The following ME1 variants were observed in gnomAD, a reference collection of about 807,000 sequenced individuals.
The protein encoded by ME1 is NADP-dependent malic enzyme.
Under a neutral mutation model 66.4 loss-of-function variants are expected in ME1, and 74 were observed. That is an observed-to-expected ratio of 1.11 (90% CI 0.92 to 1.35). The LOEUF is 1.35. Among genes scored for constraint, ME1 ranks in the 40% most tolerant of loss-of-function variants. The pLI, the probability that ME1 is intolerant of heterozygous loss-of-function variation, is 0.00. For synonymous variants in ME1, 251 were observed against 235.6 expected, an observed-to-expected ratio of 1.07 and a Z score of -0.60; for missense variants, 750 against 694.1, an observed-to-expected ratio of 1.08 and a Z score of -0.90.
At chr6:83,275,560 G>T (rs1297261089) in intron 6 of ME1, among the ~76,000 whole-genome samples, 3 of 141,822 alleles carry the variant, frequency 2.1e-5, no homozygotes, top group Non-Finnish European at 3.1e-5. Context: ...CCGCCTCCCG[G>T]GTTCATGCCA....
At chr6:83,244,157 C>A (rs1487139333) in intron 7 of ME1, among the ~76,000 whole-genome samples, 1 of 151,658 alleles carries the variant, frequency 6.6e-6, no homozygotes. Flanking sequence ...GTATCAGGAG[C>A]GAGATTGGAA....
chr6:83,316,609 GA>G (rs1317584112), intron 5 of ME1, among the ~76,000 whole-genome samples: 31 of 147,746 alleles, frequency 2.1e-4, no homozygotes, highest in Non-Finnish European at 3.1e-4. Context: ...AATATAGATT[GA>G]AAAAAAAAGA....
chr6:83,415,926 T>A (rs1404171213), intron 1 of ME1, among the ~76,000 whole-genome samples: 1 of 152,196 alleles, frequency 6.6e-6, no homozygotes, highest in Non-Finnish European at 1.5e-5. Flanking sequence ...TAGGCAGCTA[T>A]TCAGTACATT....
At chr6:83,353,272 A>T (rs1768833152) in intron 3 of ME1, among the ~76,000 whole-genome samples, 1 of 152,150 alleles carries the variant, frequency 6.6e-6, no homozygotes, top group Non-Finnish European at 1.5e-5. Context: ...GGCACACCAT[A>T]TTTGGTATTC....
chr6:83,385,818 G>A (rs1251979197), intron 3 of ME1, among the ~76,000 whole-genome samples: 1 of 151,636 alleles, frequency 6.6e-6, no homozygotes, highest in East Asian at 1.9e-4. Flanking sequence ...CTCCTATTTA[G>A]CACAAGTCAT....
chr6:83,399,069 C>A (rs1430412412), intron 2 of ME1, among the ~76,000 whole-genome samples: 1 of 152,150 alleles, frequency 6.6e-6, no homozygotes, highest in Non-Finnish European at 1.5e-5. Context: ...TCTTGGCTCA[C>A]TGCAACCTCT....
At chr6:83,369,819 C>A (rs1239861128) in intron 3 of ME1, among the ~76,000 whole-genome samples, 12 of 151,954 alleles carry the variant, frequency 7.9e-5, no homozygotes, top group Non-Finnish European at 7.4e-5. Flanking sequence ...TGACAGTCAA[C>A]TATATCAAAG....
intron 3 of ME1, among the ~76,000 whole-genome samples, chr6:83,388,788 T>G (rs1353890076): frequency 1.3e-5 from 2 of 152,170 alleles, no homozygotes; most frequent in Admixed American, 1.3e-4. Flanking sequence ...TTGTATTAGC[T>G]CATTCTGTTT....
chr6:83,373,300 A>T (rs927505573), intron 3 of ME1, among the ~76,000 whole-genome samples: 1 of 151,848 alleles, frequency 6.6e-6, no homozygotes, highest in African/African-American at 2.4e-5. Flanking sequence ...CAGTGGTGCG[A>T]TCTCAGCTCA....
At chr6:83,344,372 T>C (rs1486433041) in intron 5 of ME1, among the ~76,000 whole-genome samples, 3 of 152,040 alleles carry the variant, frequency 2.0e-5, no homozygotes, top group Non-Finnish European at 4.4e-5. Context: ...CTCCACAGGA[T>C]TTTTAAGATA....
At chr6:83,291,977 T>C (rs1767512833) in intron 6 of ME1, among the ~76,000 whole-genome samples, 1 of 152,048 alleles carries the variant, frequency 6.6e-6, no homozygotes, top group South Asian at 2.1e-4. Flanking sequence ...CATCAAGTCA[T>C]TTAAGCTCTT....
intron 7 of ME1, among the ~76,000 whole-genome samples, chr6:83,243,843 T>C (rs1790562863): frequency 7.6e-6 from 1 of 130,838 alleles, no homozygotes; most frequent in African/African-American, 2.9e-5. Flanking sequence ...ATAATATAAA[T>C]TATATATATA....
rs1181507246 is a variant in ME1, at chr6:83,315,389, T to C, written c.625A>G (p.Ile209Val). The C allele has an allele frequency of 1.2e-6, 2 of 1,605,480 alleles. No homozygotes were observed. Among genetic ancestry groups the C allele is most frequent in the Non-Finnish European group, 8.5e-7 (1 of 1,175,952 alleles). ...NEELLKDPLYIGLRQRRVRGS... is the reference protein window; with the variant it reads ...NEELLKDPLYVGLRQRRVRGS... ...CTTACTCTTCTCTGCCGTAGTCCAATGTAGAGTGGATCTTTAAGTAACTCC... is the reference window on the plus strand; with the variant it reads ...CTTACTCTTCTCTGCCGTAGTCCAACGTAGAGTGGATCTTTAAGTAACTCC... The change falls in exon 6 of 14, where the codon ATT (isoleucine) becomes GTT (valine). Residue 209 changes from isoleucine to valine, a missense_variant. Ile to Val is a conservative substitution (Grantham distance 29). Coordinates refer to ENST00000369705, the MANE Select transcript of ME1 (RefSeq NM_002395.6).
intron 5 of ME1, among the ~76,000 whole-genome samples, chr6:83,327,697 G>C (rs1768327382): frequency 1.3e-5 from 2 of 152,134 alleles, no homozygotes; most frequent in Non-Finnish European, 2.9e-5. Context: ...ATCTCACCCT[G>C]TCTCCACTTG....
intron 6 of ME1, among the ~76,000 whole-genome samples, chr6:83,274,681 A>G (rs961544371): frequency 3.3e-5 from 5 of 152,194 alleles, no homozygotes; most frequent in African/African-American, 9.7e-5. Flanking sequence ...ATATATTGGG[A>G]CTTAAAACCA....
At position 83,279,113 on chromosome 6, in the gene ME1, G is replaced by T. The variant is rs140570737; in HGVS notation, c.705-25375C>A. On this transcript the variant is annotated intron_variant, in intron 6 of 13. Transcript: ENST00000369705. ...TAAGGAGACGCTGGAAAAATCCAAA[G>T]ACAAGAGGTTAGACAAAAACAATGA... is the stretch of plus-strand genomic sequence containing the variant. 2.0e-3 allele frequency among the ~76,000 whole-genome samples: 307 copies of T among 152,146 alleles called. 1 individual carries two copies. Among genetic ancestry groups the T allele is most frequent in the Middle Eastern group, 6.8e-3 (2 of 294 alleles).
intron 3 of ME1, among the ~76,000 whole-genome samples, chr6:83,395,604 T>G (rs550667482): frequency 5.9e-5 from 9 of 151,636 alleles, no homozygotes; most frequent in Non-Finnish European, 1.2e-4. Flanking sequence ...GCCTCCTGAG[T>G]AGCTGGGACT....
chr6:83,326,767 G>A (rs1768300256), intron 5 of ME1, among the ~76,000 whole-genome samples: 1 of 152,150 alleles, frequency 6.6e-6, no homozygotes, highest in South Asian at 2.1e-4. Flanking sequence ...AAATAGAAAT[G>A]CTTTTACACA....
chr6:83,227,236 A>G, intron 11 of ME1, 99 bp downstream of exon 11: 1 of 778,318 alleles, frequency 1.3e-6, no homozygotes, highest in Non-Finnish European at 1.8e-6. Context: ...TTGGTTGTAT[A>G]ATTTTTAAAC....
Sources: allele counts gnomAD v4.1 joint callset (sites outside exome capture counted in the v4.1 genomes callset), GRCh38; gene constraint gnomAD v4.1.1; transcripts MANE v1.5; gene names NCBI Gene and HGNC (gene_info 2026-07-23, HGNC 2026-07-21).